Variants in CHFR observed in about 807,000 individuals in gnomAD.
CHFR encodes the protein E3 ubiquitin-protein ligase CHFR.
A neutral mutation model predicts 87.6 loss-of-function variants in CHFR; 57 were observed. The observed-to-expected ratio is 0.65, with a 90% CI of 0.53 to 0.81. The LOEUF is 0.81. Among genes scored for constraint, CHFR ranks in the 30% least tolerant of loss-of-function variants. The pLI, the probability that CHFR is intolerant of heterozygous loss-of-function variation, is 0.00. For synonymous variants in CHFR, 381 were observed against 359.2 expected (o/e 1.06, Z -0.69); for missense variants, 797 against 865.8 (o/e 0.92, Z 1.00).
At chr12:132,885,743 C>A (rs11147144) in intron 2 of CHFR, among the ~76,000 whole-genome samples, 24,029 of 152,014 alleles carry the variant, frequency 0.16, 4,008 homozygotes, top group East Asian at 0.47. Context: ...CTCCTCAGAG[C>A]AAATCTATGA....
intron 6 of CHFR, chr12:132,866,762 C>T (rs1354123261): frequency 1.3e-5 from 2 of 152,294 alleles, no homozygotes; most frequent in Non-Finnish European, 2.9e-5. Flanking sequence ...TGTTACAACA[C>T]ATCTGGATGT....
Position 132,840,847 on chromosome 12 carries a change from C to T in CHFR, c.*707G>A, listed in dbSNP as rs1304579464. On this transcript the variant is annotated 3_prime_UTR_variant, in exon 18 of 18. Coordinates refer to ENST00000450056, the MANE Select transcript of CHFR (RefSeq NM_001161346.2). ...CCCCAGGCTCGGGGCCGCGGTCACT[C>T]ACCGGTTAGCAAGGAGCGACTAACT... 6.6e-6 allele frequency: 1 copy of T among 152,362 alleles called. No individual in the cohort carries two copies. Among genetic ancestry groups the T allele is most frequent in the African/African-American group, 2.4e-5 (1 of 41,462 alleles). 9.4% of individuals were successfully genotyped at this position (152,362 alleles called of 1,614,324 possible).
rs114830287 is a variant in CHFR at position 132,839,288 on chromosome 12, A to G, written c.*2266T>C. On this transcript the variant is annotated 3_prime_UTR_variant, in exon 18 of 18. Transcript: ENST00000450056. ...CCTCCCCTCTCAGCCTCGCACCTGC[A>G]CAAACTGGCAACCTCCCCTCTCAGC... 522 of 178,768 alleles carry G rather than the reference A, an allele frequency of 2.9e-3. 1 individual carries two copies. Among genetic ancestry groups the G allele is most frequent in the African/African-American group, 0.011 (474 of 41,634 alleles). 11.1% of individuals were successfully genotyped at this position (178,768 alleles called of 1,614,324 possible). A position where few individuals can be genotyped will look rare whatever the true frequency, so the allele number is the denominator to read the frequency against.
At position 132,840,341 on chromosome 12, in the gene CHFR, A is replaced by C. The variant is rs1474998170; in HGVS notation, c.*1213T>G. 2.6e-5 allele frequency: 4 copies of C among 152,528 alleles called. No homozygotes were observed. The East Asian group carries it at 7.7e-4, about 29-fold the overall frequency. The allele number at this position is 152,528 out of a possible 1,614,324, so 9.4% of individuals were successfully genotyped here. A position where few individuals can be genotyped will look rare whatever the true frequency, so the allele number is the denominator to read the frequency against. ...TGAGGCAGCCCCAGACACGAGCCCA[A>C]CACGAGAGCGGAGGAGCAAACGCGG... is the stretch of plus-strand genomic sequence containing the variant. On this transcript the variant is annotated 3_prime_UTR_variant, in exon 18 of 18. Transcript: ENST00000450056.
chr12:132,878,476 A>G (rs1332075765), intron 2 of CHFR, among the ~76,000 whole-genome samples: 3 of 149,452 alleles, frequency 2.0e-5, no homozygotes, highest in Admixed American at 1.3e-4. Context: ...CTGGAAATAA[A>G]AAAAAAAAAA....
chr12:132,849,509 C>T (rs1397962882), intron 12 of CHFR: 1 of 152,282 alleles, frequency 6.6e-6, no homozygotes, highest in Non-Finnish European at 1.5e-5. Flanking sequence ...GAAATCTCAC[C>T]TGCTCCACCA....
At chr12:132,872,204 T>C in intron 4 of CHFR, 81 bp downstream of exon 4, 1 of 835,960 alleles carries the variant, frequency 1.2e-6, no homozygotes, top group Non-Finnish European at 2.1e-6. Context: ...GGAAGGGATG[T>C]AGCCAGGAGG....
intron 6 of CHFR, among the ~76,000 whole-genome samples, chr12:132,862,124 A>C (rs1593483873): frequency 6.6e-6 from 1 of 151,984 alleles, no homozygotes. Flanking sequence ...AATACAAAAA[A>C]ATTAGACAGG....
rs1407369033 is a variant in CHFR at position 132,877,665 on chromosome 12, G to C, written c.134-11C>G. ...AGGAAAGGTCGCAACCTAAAAAAGA[G>C]AGGGTGGGTCAACACGGGATATGAT... is the stretch of plus-strand genomic sequence containing the variant. On this transcript the variant is annotated splice_polypyrimidine_tract_variant and intron_variant, in intron 2 of 17. Coordinates refer to ENST00000450056, the MANE Select transcript of CHFR (RefSeq NM_001161346.2). 1.3e-6 allele frequency: 2 copies of C among 1,587,676 alleles called. No individual in the cohort carries two copies. The highest frequency in any genetic ancestry group is 2.2e-5 in the East Asian group (1 of 44,708).
intron 3 of CHFR, 113 bp downstream of exon 3, chr12:132,877,442 C>G: frequency 1.6e-6 from 1 of 606,188 alleles, no homozygotes; most frequent in Non-Finnish European, 2.8e-6. Flanking sequence ...GCTGTTATCA[C>G]ACTAAAGACA....
chr12:132,849,242 C>T (rs2136936065), intron 12 of CHFR: 1 of 152,832 alleles, frequency 6.5e-6, no homozygotes, highest in East Asian at 1.9e-4. Context: ...ATGCACTGCG[C>T]CCGGCCTCAG....
rs1336502857 is a variant in CHFR, at chr12:132,877,609, T to A, written c.179A>T (p.His60Leu). The A allele has an allele frequency of 1.2e-6, 2 of 1,613,590 alleles. No individual in the cohort carries two copies. ...TTTTTCATCCACTACAATTCTACAG[T>A]GATCTCCAGAGACCAGTTTATTGCT... ...FPSNKLVSGD[H>L]CRIVVDEKSG... Residue 60 changes from histidine (H) to leucine (L), a missense_variant, in exon 3 of 18, where the codon CAC becomes CTC. This residue lies in a region of CHFR where 597 missense variants were observed against 601.2 expected (regional missense o/e 0.99). Transcript: ENST00000450056.
At chr12:132,867,386 C>G (rs1566194008) in intron 6 of CHFR, 2 of 152,340 alleles carry the variant, frequency 1.3e-5, no homozygotes, top group East Asian at 3.9e-4. Context: ...ACAGAGGGAG[C>G]AGTCTTCTGG....
chr12:132,850,962 T>C (rs986567955), intron 12 of CHFR, among the ~76,000 whole-genome samples: 7 of 89,100 alleles, frequency 7.9e-5, no homozygotes, highest in African/African-American at 3.1e-4. Context: ...TGTATGTGTG[T>C]GCATATATAT....
intron 7 of CHFR, among the ~76,000 whole-genome samples, chr12:132,859,932 C>T (rs989081894): frequency 9.2e-5 from 14 of 152,118 alleles, no homozygotes; most frequent in African/African-American, 3.4e-4. Context: ...GTGGTCTCAG[C>T]TACTCGGAAG....
chr12:132,844,565 T>C (rs1593444098), intron 15 of CHFR, among the ~76,000 whole-genome samples: 1 of 151,324 alleles, frequency 6.6e-6, no homozygotes, highest in Non-Finnish European at 1.5e-5. Context: ...ATTACAGGCG[T>C]GAGCCACTGC....
rs1208764503 is a variant in CHFR, at chr12:132,884,670, T to G, written c.133+2526A>C. ...GAGGAGGCAGAGAGAGCAAGCAGAG[T>G]CCCCCTCTCTGCCATGTGAGGACAC... On this transcript the variant is annotated intron_variant, in intron 2 of 17. Coordinates refer to ENST00000450056, the MANE Select transcript of CHFR (RefSeq NM_001161346.2). Among the ~76,000 whole-genome samples the G allele has an allele frequency of 3.3e-5, 5 of 151,688 alleles. No homozygotes were observed. In the East Asian group the frequency reaches 9.7e-4, roughly 29 times the overall value.
rs1491475804 is a variant in CHFR, at chr12:132,834,711, G to GCTTT, written c.*6839_*6842dup. On this transcript the variant is annotated 3_prime_UTR_variant, in exon 18 of 18. Transcript: ENST00000450056. ...TCTTCCTGCCTTTGACTTCTTGCTT[G>GCTTT]CTTTTTTTTTTTTTTTTTTTTTGAG... The GCTTT allele has an allele frequency of 6.9e-6, 1 of 144,140 alleles. No individual in the cohort carries two copies. Among genetic ancestry groups the GCTTT allele is most frequent in the African/African-American group, 2.6e-5 (1 of 38,740 alleles). 8.9% of individuals were successfully genotyped at this position (144,140 alleles called of 1,614,324 possible). A position where few individuals can be genotyped will look rare whatever the true frequency, so the allele number is the denominator to read the frequency against.
chr12:132,835,505 G>A lies in CHFR; in HGVS notation c.*6049C>T. ...ATTAAGATAAAATGAGGCCACTGGT[G>A]TGGGCCCTAATCCAATAGGACTGGT... On this transcript the variant is annotated 3_prime_UTR_variant, in exon 18 of 18. Transcript: ENST00000450056. 6.4e-6 allele frequency: 1 copy of A among 156,904 alleles called. No homozygotes were observed. The highest frequency in any genetic ancestry group is 1.4e-5 in the Non-Finnish European group (1 of 70,814). The allele number at this position is 156,904 out of a possible 1,614,324, so 9.7% of individuals were successfully genotyped here.
Sources: allele counts gnomAD v4.1 joint callset (sites outside exome capture counted in the v4.1 genomes callset), GRCh38; gene constraint gnomAD v4.1.1; regional missense constraint gnomAD v4.1.1; transcripts MANE v1.5; gene names NCBI Gene and HGNC (gene_info 2026-07-23, HGNC 2026-07-21).